Variants in TMEM236 observed in about 807,000 individuals in gnomAD.
TMEM236 encodes transmembrane protein 236.
A neutral mutation model predicts 14.7 loss-of-function variants in TMEM236; 11 were observed. The observed-to-expected ratio is 0.75, with a 90% confidence interval of 0.47 to 1.24. The LOEUF (loss-of-function observed/expected upper bound fraction) is 1.24. TMEM236 is among the 50% of genes most tolerant of loss of function. The probability of loss-of-function intolerance (pLI) is 0.00; values close to 1 mark genes in which losing one functional copy is unlikely to be tolerated. For missense variants in TMEM236, 464 were observed against 427.3 expected, an observed-to-expected ratio of 1.09 and a Z score of -0.76; for synonymous variants, 182 against 168.6, an observed-to-expected ratio of 1.08 and a Z score of -0.62.
At chr10:17,760,692 G>A (rs913086396) in intron 1 of TMEM236, among the ~76,000 whole-genome samples, 1,752 of 152,210 alleles carry the variant, frequency 0.012, 40 homozygotes, top group African/African-American at 0.04. Flanking sequence ...ACCTGAGACT[G>A]GGTAATTTAT....
At position 17,799,617 on chromosome 10, in the gene TMEM236, T is replaced by A. The variant is rs1243327028; in HGVS notation, c.*3113T>A. ...AAAATTATAATACAAGTAATTACTT[T>A]CGAATTCTGCCATGGGTATCTTTTT... On this transcript the variant is annotated 3_prime_UTR_variant, in exon 4 of 4. Transcript: ENST00000377495. The A allele has an allele frequency of 3.9e-5, 6 of 152,538 alleles. No individual in the cohort carries two copies. Among genetic ancestry groups the A allele is most frequent in the Non-Finnish European group, 7.4e-5 (5 of 68,014 alleles). The allele number at this position is 152,538 out of a possible 1,614,324, so 9.4% of individuals were successfully genotyped here.
chr10:17,789,225 A>C (rs1039252233), intron 3 of TMEM236, among the ~76,000 whole-genome samples: 1 of 152,160 alleles, frequency 6.6e-6, no homozygotes, highest in African/African-American at 2.4e-5. Context: ...TAAGAAACTC[A>C]TGATCTTGTT....
intron 3 of TMEM236, among the ~76,000 whole-genome samples, chr10:17,787,294 T>TCTCTTAGTGTTGAGCTAAGTC: frequency 6.6e-6 from 1 of 152,208 alleles, no homozygotes; most frequent in Non-Finnish European, 1.5e-5. Context: ...CATTACATCC[T>TCTCTTAGTGTTGAGCTAAGTC]CTCTTAGTGT....
At chr10:17,768,779 T>A (rs185464238) in intron 1 of TMEM236, among the ~76,000 whole-genome samples, 2,839 of 148,880 alleles carry the variant, frequency 0.019, 92 homozygotes, top group African/African-American at 0.067. Context: ...GTGTTTCCTA[T>A]ACTATATATG....
chr10:17,764,482 G>A (rs1012909388), intron 1 of TMEM236, among the ~76,000 whole-genome samples: 2 of 152,188 alleles, frequency 1.3e-5, no homozygotes, highest in Admixed American at 1.3e-4. Flanking sequence ...AGAAGTGTCT[G>A]TTGTATTTCC....
Position 17,796,307 on chromosome 10 carries a change from C to G in TMEM236, c.859C>G (p.Pro287Ala), listed in dbSNP as rs1838014262. 1.2e-6 allele frequency: 2 copies of G among 1,613,904 alleles called. No individual in the cohort carries two copies. Among genetic ancestry groups the G allele is most frequent in the Admixed American group, 1.7e-5 (1 of 60,002 alleles). The change falls in exon 4 of 4, where the codon CCT (proline) becomes GCT (alanine). Residue 287 changes from proline (P) to alanine (A), a missense_variant. Physicochemically the swap from Pro to Ala is conservative, Grantham distance 27. Transcript: ENST00000377495. The part of the protein sequence containing the change: ...LLRITFTPQN[P>A]LLNSLSVLLQ... ...TCGAATTACATTCACTCCCCAAAAC[C>G]CTCTTCTCAATTCCCTGAGCGTCCT...
chr10:17,766,021 A>G (rs1488487753), intron 1 of TMEM236, among the ~76,000 whole-genome samples: 2 of 152,218 alleles, frequency 1.3e-5, no homozygotes, highest in African/African-American at 4.8e-5. Flanking sequence ...TTCTGCTGAG[A>G]TGGTTGACTG....
rs1418100410 is a variant in TMEM236, at chr10:17,752,268, G to A, written c.-28G>A. The A allele has an allele frequency of 2.1e-5, 34 of 1,613,930 alleles. No homozygotes were observed. The highest frequency in any genetic ancestry group is 5.0e-5 in the Admixed American group (3 of 60,010). On this transcript the variant is annotated 5_prime_UTR_variant, in exon 1 of 4. Coordinates refer to ENST00000377495, the MANE Select transcript of TMEM236 (RefSeq NM_001098844.3). ...GCCCACAGTCAAAGAGGGAGTCCCA[G>A]GTTCTTGGCAGCTTGCTTTTCCTCA...
intron 3 of TMEM236, among the ~76,000 whole-genome samples, chr10:17,794,540 GAC>G (rs1485463603): frequency 1.3e-5 from 2 of 151,558 alleles, no homozygotes; most frequent in African/African-American, 4.9e-5. Flanking sequence ...GGAACACACA[GAC>G]ACACACACGC....
chr10:17,773,160 G>A (rs1204065155), intron 2 of TMEM236, among the ~76,000 whole-genome samples: 2 of 152,126 alleles, frequency 1.3e-5, no homozygotes, highest in Non-Finnish European at 2.9e-5. Flanking sequence ...TGGTGTGCAT[G>A]AGCAAGCATT....
rs1471798200 is a variant in TMEM236 at position 17,752,259 on chromosome 10, G to A, written c.-37G>A. On this transcript the variant is annotated 5_prime_UTR_variant, in exon 1 of 4. Transcript: ENST00000377495. ...CCATATGCTGCCCACAGTCAAAGAG[G>A]GAGTCCCAGGTTCTTGGCAGCTTGC... 125 of 1,613,746 alleles carry A rather than the reference G, an allele frequency of 7.7e-5. No individual in the cohort carries two copies. The highest frequency in any genetic ancestry group is 9.9e-5 in the Non-Finnish European group (117 of 1,179,852).
intron 2 of TMEM236, among the ~76,000 whole-genome samples, chr10:17,775,478 T>A (rs1837644610): frequency 6.6e-6 from 1 of 152,180 alleles, no homozygotes; most frequent in Non-Finnish European, 1.5e-5. Context: ...TCTGGCCTTG[T>A]TGCTCAGGTT....
intron 3 of TMEM236, among the ~76,000 whole-genome samples, chr10:17,786,560 A>G (rs1158075792): frequency 2.0e-5 from 3 of 152,202 alleles, no homozygotes; most frequent in Non-Finnish European, 4.4e-5. Flanking sequence ...TTGTGTGTAT[A>G]CTAATAGTAA....
chr10:17,778,137 G>A (rs1165109720), intron 3 of TMEM236, among the ~76,000 whole-genome samples: 1 of 152,152 alleles, frequency 6.6e-6, no homozygotes, highest in Admixed American at 6.5e-5. Context: ...TAGATCTGGG[G>A]GAGAAGACTC....
At chr10:17,758,403 G>A (rs1469003803) in intron 1 of TMEM236, among the ~76,000 whole-genome samples, 1 of 152,162 alleles carries the variant, frequency 6.6e-6, no homozygotes, top group Admixed American at 6.5e-5. Context: ...TCAGTAAATG[G>A]TGTGCCCCAG....
chr10:17,793,877 A>C (rs1352911197), intron 3 of TMEM236, among the ~76,000 whole-genome samples: 1 of 152,198 alleles, frequency 6.6e-6, no homozygotes, highest in Non-Finnish European at 1.5e-5. Context: ...TAGAATAATA[A>C]ATTGTTGTAT....
rs879946218 is a variant in TMEM236 at position 17,800,635 on chromosome 10, C to A, written c.*4131C>A. ...TGGGCACTATGCTGTTTGCCTAATA[C>A]ATAATTGCCTTGTGCTGTGTACCTT... is the stretch of plus-strand genomic sequence containing the variant. On this transcript the variant is annotated 3_prime_UTR_variant, in exon 4 of 4. Coordinates refer to ENST00000377495, the MANE Select transcript of TMEM236 (RefSeq NM_001098844.3). 107,592 of 152,076 alleles carry A rather than the reference C, an allele frequency of 0.71. 39,073 individuals carry two copies. Among genetic ancestry groups the A allele is most frequent in the African/African-American group, 0.89 (36,799 of 41,508 alleles). The allele number at this position is 152,076 out of a possible 1,614,324, so 9.4% of individuals were successfully genotyped here.
intron 3 of TMEM236, among the ~76,000 whole-genome samples, chr10:17,787,973 A>C (rs1380066751): frequency 6.6e-6 from 1 of 152,092 alleles, no homozygotes; most frequent in Non-Finnish European, 1.5e-5. Context: ...AAAGTATAGG[A>C]TTATTTCTCT....
intron 3 of TMEM236, among the ~76,000 whole-genome samples, chr10:17,789,454 A>G (rs1837887423): frequency 6.6e-6 from 1 of 152,366 alleles, no homozygotes; most frequent in East Asian, 1.9e-4. Flanking sequence ...TGACCATTCT[A>G]TATGCCAAAC....
Sources: gnomAD v4.1 joint callset for allele counts (sites outside exome capture counted in the v4.1 genomes callset) on GRCh38, gnomAD v4.1.1 for gene constraint, MANE v1.5 for transcripts, NCBI Gene and HGNC (gene_info 2026-07-23, HGNC 2026-07-21) for gene names.